The following KIF26B variants were observed in gnomAD, a reference collection of about 807,000 sequenced individuals.
The protein encoded by KIF26B is kinesin family member 26B, also known as kinesin-like protein KIF26B.
KIF26B carries 63 observed loss-of-function variants against 151.2 expected under a neutral mutation model. The ratio of observed to expected loss-of-function variants is 0.42; its 90% CI spans 0.34 to 0.51. The LOEUF is 0.51. Ranked by LOEUF, KIF26B falls within the 20% of genes least tolerant of loss-of-function variation. KIF26B has a pLI of 0.07. For missense variants in KIF26B, 2,813 were observed against 2,913.6 expected (o/e 0.97, Z 0.79); for synonymous variants, 1,357 against 1,262.1 (o/e 1.08, Z -1.59).
chr1:245,294,210 AC>A (rs1347250444), intron 2 of KIF26B, among the ~76,000 whole-genome samples: 13 of 152,282 alleles, frequency 8.5e-5, no homozygotes, highest in East Asian at 5.8e-4. Flanking sequence ...GAAACCTCCC[AC>A]GGGGTCTCCA....
At chr1:245,679,464 T>TTG (rs2147947865) in intron 10 of KIF26B, among the ~76,000 whole-genome samples, 1 of 122,114 alleles carries the variant, frequency 8.2e-6, no homozygotes, top group African/African-American at 3.8e-5. Context: ...TGTGTTTTTT[T>TTG]TTTTTTTTTT....
intron 10 of KIF26B, among the ~76,000 whole-genome samples, chr1:245,679,984 C>G (rs1054617014): frequency 6.6e-6 from 1 of 152,168 alleles, no homozygotes. Flanking sequence ...CCATCCCTCC[C>G]GCCTGGCTCT....
At chr1:245,332,381 G>C (rs1198868826) in intron 2 of KIF26B, among the ~76,000 whole-genome samples, 1 of 152,098 alleles carries the variant, frequency 6.6e-6, no homozygotes, top group African/African-American at 2.4e-5. Context: ...TCAGAATGGG[G>C]GTTCTCACAA....
At chr1:245,507,599 C>T (rs994930718) in intron 4 of KIF26B, among the ~76,000 whole-genome samples, 1 of 152,164 alleles carries the variant, frequency 6.6e-6, no homozygotes, top group African/African-American at 2.4e-5. Context: ...AGCCAATTGC[C>T]CACAGCTGGG....
At position 245,352,793 on chromosome 1, in the gene KIF26B, C is replaced by G. The variant is rs140633055; in HGVS notation, c.466-14041C>G. ...TACTAGTACGGGTTCCCCAACCCCA[C>G]GACTAGAACTATCTTAGTGGTTTCT... On this transcript the variant is annotated intron_variant, in intron 2 of 14. Coordinates refer to ENST00000407071, the MANE Select transcript of KIF26B (RefSeq NM_018012.4). This position sits in a 1 kb window ranked among gnomAD's most constrained non-coding sequence, Gnocchi z 5.0. 2.6e-4 allele frequency among the ~76,000 whole-genome samples: 39 copies of G among 152,120 alleles called. No individual in the cohort carries two copies. Among genetic ancestry groups the G allele is most frequent in the African/African-American group, 9.2e-4 (38 of 41,496 alleles).
intron 14 of KIF26B, among the ~76,000 whole-genome samples, chr1:245,700,984 A>G (rs1396963367): frequency 6.6e-6 from 1 of 152,200 alleles, no homozygotes; most frequent in Non-Finnish European, 1.5e-5. Context: ...TATTTTCAAG[A>G]ACTGTTTATG....
intron 2 of KIF26B, among the ~76,000 whole-genome samples, chr1:245,221,391 A>AAG: frequency 6.6e-6 from 1 of 150,974 alleles, no homozygotes; most frequent in East Asian, 1.9e-4. Context: ...AAAAAAAAAA[A>AAG]AAAAAAAATT....
At chr1:245,378,503 G>A (rs921408227) in intron 3 of KIF26B, among the ~76,000 whole-genome samples, 1 of 152,108 alleles carries the variant, frequency 6.6e-6, no homozygotes. Flanking sequence ...TTTCACAGTC[G>A]TCTTGTGTGT....
At chr1:245,468,759 C>T (rs777911680) in intron 4 of KIF26B, among the ~76,000 whole-genome samples, 8 of 151,900 alleles carry the variant, frequency 5.3e-5, no homozygotes, top group Non-Finnish European at 8.8e-5. Flanking sequence ...AAAGTTATAA[C>T]GTCCGGCAGT....
chr1:245,600,604 C>A (rs942288674), intron 5 of KIF26B, among the ~76,000 whole-genome samples: 3 of 150,116 alleles, frequency 2.0e-5, no homozygotes, highest in Admixed American at 1.3e-4. Context: ...ATTCCTAGAT[C>A]TCTTCCTCCC....
At chr1:245,310,724 A>T (rs1235039663) in intron 2 of KIF26B, among the ~76,000 whole-genome samples, 2 of 152,206 alleles carry the variant, frequency 1.3e-5, no homozygotes, top group Non-Finnish European at 2.9e-5. Context: ...TGGCATGTGC[A>T]GGCAGCAGCA....
At chr1:245,650,689 A>G (rs937441169) in intron 10 of KIF26B, among the ~76,000 whole-genome samples, 1 of 152,236 alleles carries the variant, frequency 6.6e-6, no homozygotes, top group South Asian at 2.1e-4. Flanking sequence ...AATGGGTCAT[A>G]TGACCTGTTT....
chr1:245,623,093 A>G (rs79022451), intron 9 of KIF26B, among the ~76,000 whole-genome samples: 2,372 of 147,374 alleles, frequency 0.016, 60 homozygotes, highest in African/African-American at 0.055. Flanking sequence ...CCTGAGCTAC[A>G]ATAAACTGTA....
Position 245,686,642 on chromosome 1 carries a change from G to C in KIF26B, c.3659G>C (p.Arg1220Pro). Residue 1220 changes from arginine to proline, a missense_variant, in exon 12 of 15, where the codon CGG (arginine) becomes CCG (proline). Physicochemically the swap from Arg to Pro is moderately radical, Grantham distance 103 (BLOSUM62 -2). This residue lies in a region of KIF26B where 2,060 missense variants were observed against 2,088.6 expected (regional missense o/e 0.99). Transcript: ENST00000407071. This position sits in a 1 kb window ranked among gnomAD's most constrained non-coding sequence, Gnocchi z 5.6. ...IISFNSDCSA[R>P]ALASGSRPVS... ...AGCTTCAACAGCGACTGCTCTGCAC[G>C]GGCCCTGGCCTCGGGCTCGCGGCCC... is the stretch of plus-strand genomic sequence containing the variant. 1 of 1,610,886 alleles carries C rather than the reference G, an allele frequency of 6.2e-7. No homozygotes were observed. Among genetic ancestry groups the C allele is most frequent in the Non-Finnish European group, 8.5e-7 (1 of 1,178,882 alleles).
chr1:245,388,281 C>T (rs1265147224), intron 3 of KIF26B, among the ~76,000 whole-genome samples: 2 of 152,122 alleles, frequency 1.3e-5, no homozygotes, highest in Non-Finnish European at 2.9e-5. Context: ...CTGACGGATA[C>T]TTCTTCCTGG....
chr1:245,260,164 C>T (rs1261380982), intron 2 of KIF26B, among the ~76,000 whole-genome samples: 1 of 152,096 alleles, frequency 6.6e-6, no homozygotes, highest in Non-Finnish European at 1.5e-5. Flanking sequence ...AGAAGCTGGA[C>T]TCTCTCAGTG....
At chr1:245,383,569 A>T (rs1673467783) in intron 3 of KIF26B, among the ~76,000 whole-genome samples, 1 of 152,220 alleles carries the variant, frequency 6.6e-6, no homozygotes, top group African/African-American at 2.4e-5. Flanking sequence ...TCCAGGGATT[A>T]ACTGCTGCTA....
chr1:245,317,993 C>T (rs1671811920), intron 2 of KIF26B, among the ~76,000 whole-genome samples: 1 of 152,190 alleles, frequency 6.6e-6, no homozygotes, highest in Admixed American at 6.5e-5. Flanking sequence ...GTCTCTAACA[C>T]TACAGGTTAC....
At position 245,231,067 on chromosome 1, in the gene KIF26B, TGAG is replaced by T. The variant is rs1395994422; in HGVS notation, c.465+74385_465+74387del. Among the ~76,000 whole-genome samples the T allele has an allele frequency of 2.0e-5, 3 of 151,846 alleles. No homozygotes were observed. In the East Asian group the frequency reaches 5.8e-4, roughly 29 times the overall value. Reference sequence around the variant, plus strand: ...TACTGAAAAAAATTATAAGGGATATTGAGAAGAGGAACGAAACCATTCAAGACA... The same window carrying T: ...TACTGAAAAAAATTATAAGGGATATTAAGAGGAACGAAACCATTCAAGACA... On this transcript the variant is annotated intron_variant, in intron 2 of 14. Coordinates refer to ENST00000407071, the MANE Select transcript of KIF26B (RefSeq NM_018012.4).
Sources: gnomAD v4.1 joint callset for allele counts (sites outside exome capture counted in the v4.1 genomes callset) on GRCh38, gnomAD v4.1.1 for gene constraint, gnomAD v4.1.1 regional missense constraint, Gnocchi (gnomAD v3.1) non-coding constraint, MANE v1.5 for transcripts, NCBI Gene and HGNC (gene_info 2026-07-23, HGNC 2026-07-21) for gene names.